The following PREX2 variants were observed in gnomAD, a reference collection of about 807,000 sequenced individuals.
The protein encoded by PREX2 is phosphatidylinositol-3,4,5-trisphosphate dependent Rac exchange factor 2.
A neutral mutation model predicts 203.2 loss-of-function variants in PREX2; 107 were observed. That is an observed-to-expected ratio of 0.53 (90% CI 0.45 to 0.62). PREX2 has a LOEUF of 0.62. PREX2 is among the 20% of genes least tolerant of loss of function. The pLI is 0.00. For missense variants in PREX2, 1,777 were observed against 1,955.9 expected (o/e 0.91, Z 1.72); for synonymous variants, 672 against 663.6 (o/e 1.01, Z -0.19).
intron 1 of PREX2, among the ~76,000 whole-genome samples, chr8:67,976,390 GAGAC>G (rs1585669416): frequency 7.3e-6 from 1 of 136,666 alleles, no homozygotes; most frequent in East Asian, 2.9e-4. Flanking sequence ...AAGAGGGAGA[GAGAC>G]AGAGAGAGAG....
chr8:68,205,957 T>C (rs1812616114), intron 37 of PREX2, among the ~76,000 whole-genome samples: 1 of 152,168 alleles, frequency 6.6e-6, no homozygotes, highest in Non-Finnish European at 1.5e-5. Context: ...ACATTCACAG[T>C]GAAGTAATTT....
In PREX2 at chr8:68,119,506, T is replaced by A. The variant is rs538547228; in HGVS notation, c.3496T>A (p.Phe1166Ile). The A allele has an allele frequency of 3.7e-6, 6 of 1,612,696 alleles. No homozygotes were observed. The East Asian group carries it at 8.9e-5, about 24-fold the overall frequency. The change falls in exon 28 of 40, where the codon TTC becomes ATC. Residue 1166 changes from phenylalanine to isoleucine, a missense_variant. Coordinates refer to ENST00000288368, the MANE Select transcript of PREX2 (RefSeq NM_024870.4). ...GATACATAGTTGCCTTGAGCATCTT[T>A]TCAGCCAGGTACAATCGGGCATTTG... Reference protein sequence around the residue: ...DKIHSCLEHLFSQVDSITNLL... With the variant: ...DKIHSCLEHLISQVDSITNLL...
chr8:67,954,591 G>A (rs980308460), intron 1 of PREX2, among the ~76,000 whole-genome samples: 5 of 152,176 alleles, frequency 3.3e-5, no homozygotes, highest in African/African-American at 1.2e-4. Context: ...ATGGAAACAA[G>A]CAATAGAAGT....
At chr8:67,987,902 G>A (rs1446201070) in intron 1 of PREX2, among the ~76,000 whole-genome samples, 1 of 117,402 alleles carries the variant, frequency 8.5e-6, no homozygotes, top group Admixed American at 9.0e-5. Flanking sequence ...AGGAATTGTG[G>A]CAGCCAGGGA....
At chr8:67,994,519 A>G (rs550001428) in intron 1 of PREX2, among the ~76,000 whole-genome samples, 6 of 152,328 alleles carry the variant, frequency 3.9e-5, no homozygotes, top group East Asian at 3.9e-4. Flanking sequence ...CTTGAAGACA[A>G]TGATATAGCT....
At chr8:68,177,486 G>T (rs1812003625) in intron 35 of PREX2, among the ~76,000 whole-genome samples, 1 of 152,150 alleles carries the variant, frequency 6.6e-6, no homozygotes, top group African/African-American at 2.4e-5. Flanking sequence ...GATCACCTGA[G>T]CCCAGGAGTT....
chr8:68,214,528 C>T (rs984123716), intron 37 of PREX2, among the ~76,000 whole-genome samples: 1 of 152,150 alleles, frequency 6.6e-6, no homozygotes, highest in African/African-American at 2.4e-5. Context: ...CAAATGAGCT[C>T]TCGTAAACCT....
Position 68,234,609 on chromosome 8 carries a change from G to A in PREX2, c.*3231G>A, listed in dbSNP as rs1813232049. On this transcript the variant is annotated 3_prime_UTR_variant, in exon 40 of 40. Transcript: ENST00000288368. ...TTCCTATTTAAAGAGAGAAAATGGG[G>A]AGATAATTTCTGTGCTAGTTTTACT... 1 of 152,172 alleles carries A rather than the reference G, an allele frequency of 6.6e-6. No individual in the cohort carries two copies. Among genetic ancestry groups the A allele is most frequent in the African/African-American group, 2.4e-5 (1 of 41,540 alleles). The allele number at this position is 152,172 out of a possible 1,614,324, so 9.4% of individuals were successfully genotyped here.
intron 10 of PREX2, among the ~76,000 whole-genome samples, chr8:68,057,083 G>T (rs755549989): frequency 6.6e-6 from 1 of 152,144 alleles, no homozygotes; most frequent in Non-Finnish European, 1.5e-5. Flanking sequence ...TGTCAGGGGA[G>T]GCAACTAGTG....
At chr8:68,204,016 C>A (rs1419401231) in intron 37 of PREX2, among the ~76,000 whole-genome samples, 2 of 151,976 alleles carry the variant, frequency 1.3e-5, no homozygotes, top group Admixed American at 6.6e-5. Flanking sequence ...AGGTACCCAA[C>A]CTATTCAGTT....
At chr8:68,210,147 A>G (rs770453192) in intron 37 of PREX2, among the ~76,000 whole-genome samples, 5 of 152,198 alleles carry the variant, frequency 3.3e-5, no homozygotes, top group African/African-American at 4.8e-5. Context: ...ATTGAGAACT[A>G]TAGAAGTTTT....
intron 34 of PREX2, among the ~76,000 whole-genome samples, chr8:68,154,521 A>G (rs1338723493): frequency 2.0e-5 from 3 of 152,220 alleles, no homozygotes; most frequent in South Asian, 2.1e-4. Flanking sequence ...AAGTATGACT[A>G]TTGACAGACT....
chr8:68,203,801 CTGT>C (rs1291499576), intron 37 of PREX2, among the ~76,000 whole-genome samples: 1 of 152,164 alleles, frequency 6.6e-6, no homozygotes, highest in Non-Finnish European at 1.5e-5. Flanking sequence ...GCACAAAGTT[CTGT>C]TCAGTGTCTC....
At chr8:68,162,699 C>A (rs866868455) in intron 35 of PREX2, among the ~76,000 whole-genome samples, 6 of 152,064 alleles carry the variant, frequency 3.9e-5, no homozygotes, top group Non-Finnish European at 4.4e-5. Context: ...CGGACCCCTC[C>A]CAGCATGGCC....
intron 23 of PREX2, chr8:68,105,090 C>T (rs1810368517): frequency 7.5e-7 from 1 of 1,340,852 alleles, no homozygotes; most frequent in South Asian, 1.2e-5. Context: ...AGGATGTTCT[C>T]ATGCATGAAC....
intron 37 of PREX2, among the ~76,000 whole-genome samples, chr8:68,212,835 A>C (rs1258644192): frequency 6.6e-6 from 1 of 152,238 alleles, no homozygotes; most frequent in Admixed American, 6.5e-5. Flanking sequence ...TACATTTTTA[A>C]ATTGCTGTCA....
chr8:67,965,462 T>C (rs779960453), intron 1 of PREX2, among the ~76,000 whole-genome samples: 2 of 151,990 alleles, frequency 1.3e-5, no homozygotes, highest in Non-Finnish European at 2.9e-5. Context: ...AATTAGTTTG[T>C]ATAATTAACA....
chr8:67,953,172 TC>T (rs1170975138), intron 1 of PREX2, among the ~76,000 whole-genome samples: 4 of 61,066 alleles, frequency 6.6e-5, no homozygotes, highest in Admixed American at 5.8e-4. Context: ...TACAATTCCC[TC>T]CCCCCCGCCC....
At chr8:68,067,320 A>G (rs1202848939) in intron 11 of PREX2, among the ~76,000 whole-genome samples, 3 of 152,116 alleles carry the variant, frequency 2.0e-5, no homozygotes, top group Non-Finnish European at 4.4e-5. Context: ...TAGCAGGGAC[A>G]TTTTAACAAT....
Sources: allele counts gnomAD v4.1 joint callset (sites outside exome capture counted in the v4.1 genomes callset), GRCh38; gene constraint gnomAD v4.1.1; transcripts MANE v1.5; gene names NCBI Gene and HGNC (gene_info 2026-07-23, HGNC 2026-07-21).